The following KANSL1L variants were observed in gnomAD, a reference collection of about 807,000 sequenced individuals.
KANSL1L encodes KAT8 regulatory NSL complex subunit 1-like protein.
KANSL1L carries 25 observed loss-of-function variants against 108.6 expected under a neutral mutation model. The ratio of observed to expected loss-of-function variants is 0.23; its 90% CI spans 0.17 to 0.32. The LOEUF is 0.32. Among genes scored for constraint, KANSL1L ranks in the 10% least tolerant of loss-of-function variants. The probability of loss-of-function intolerance (pLI) is 1.00; values close to 1 mark genes in which losing one functional copy is unlikely to be tolerated. For synonymous variants in KANSL1L, 405 were observed against 395.1 expected, an observed-to-expected ratio of 1.03 and a Z score of -0.30; for missense variants, 1,137 against 1,125.7, an observed-to-expected ratio of 1.01 and a Z score of -0.14.
intron 6 of KANSL1L, among the ~76,000 whole-genome samples, chr2:210,054,603 A>G (rs200934394): frequency 6.6e-6 from 1 of 152,182 alleles, no homozygotes; most frequent in East Asian, 1.9e-4. Flanking sequence ...AACTTCCTCA[A>G]CATGATAAAG....
intron 6 of KANSL1L, among the ~76,000 whole-genome samples, chr2:210,058,585 G>A (rs1292453042): frequency 6.6e-6 from 1 of 152,078 alleles, no homozygotes; most frequent in Non-Finnish European, 1.5e-5. Flanking sequence ...TGTAATCCCA[G>A]CACTTTAGGA....
chr2:210,169,934 A>G (rs1188620693), intron 1 of KANSL1L, among the ~76,000 whole-genome samples: 6 of 152,228 alleles, frequency 3.9e-5, no homozygotes. Flanking sequence ...AATACAAGGC[A>G]TTTCTTCTTT....
intron 12 of KANSL1L, among the ~76,000 whole-genome samples, chr2:210,026,910 A>T (rs530301831): frequency 3.9e-5 from 6 of 152,216 alleles, no homozygotes; most frequent in African/African-American, 1.4e-4. Context: ...AGCTGGGACT[A>T]CAGGTGCCCA....
intron 3 of KANSL1L, among the ~76,000 whole-genome samples, chr2:210,113,005 T>C (rs1372455746): frequency 1.3e-5 from 2 of 152,210 alleles, no homozygotes; most frequent in African/African-American, 4.8e-5. Context: ...GCAATCTATA[T>C]ACAGCCTGCA....
chr2:210,144,384 A>G (rs2095251410), intron 2 of KANSL1L, among the ~76,000 whole-genome samples: 1 of 152,158 alleles, frequency 6.6e-6, no homozygotes, highest in South Asian at 2.1e-4. Context: ...TTCAATCATT[A>G]TTTCTTTAAA....
chr2:210,082,077 G>A (rs966463193), intron 5 of KANSL1L, among the ~76,000 whole-genome samples: 1 of 152,130 alleles, frequency 6.6e-6, no homozygotes. Flanking sequence ...GGGACTACAG[G>A]TGCATGCCAC....
intron 5 of KANSL1L, among the ~76,000 whole-genome samples, chr2:210,093,452 ATCT>A (rs2094709836): frequency 6.6e-6 from 1 of 152,038 alleles, no homozygotes. Flanking sequence ...GGCCTGATTT[ATCT>A]TCTTATCATT....
chr2:210,037,158 AAT>A (rs1401502239), intron 8 of KANSL1L, among the ~76,000 whole-genome samples: 1 of 152,182 alleles, frequency 6.6e-6, no homozygotes, highest in Admixed American at 6.5e-5. Flanking sequence ...TCTTTCAGTC[AAT>A]AACGTTTTAT....
chr2:210,116,623 ATCTTACCCGAGACTACTGAGGTCATAC>A (rs1325883454), intron 3 of KANSL1L, among the ~76,000 whole-genome samples: 3 of 152,068 alleles, frequency 2.0e-5, no homozygotes, highest in African/African-American at 7.2e-5. Flanking sequence ...ATGCTTTTGG[ATCTTACCCGAGACTACTGAGGTCATAC>A]CTCTATGAGT....
chr2:210,055,213 CAT>C (rs1248368565), intron 6 of KANSL1L, among the ~76,000 whole-genome samples: 1 of 152,200 alleles, frequency 6.6e-6, no homozygotes, highest in Admixed American at 6.5e-5. Context: ...TGAAGAAGTA[CAT>C]GTTTGCTTCC....
At chr2:210,055,277 G>A (rs1366410579) in intron 6 of KANSL1L, among the ~76,000 whole-genome samples, 1 of 152,224 alleles carries the variant, frequency 6.6e-6, no homozygotes, top group Non-Finnish European at 1.5e-5. Flanking sequence ...ATGCTGAACT[G>A]TAAGTCAAAC....
At chr2:210,037,962 A>G (rs1043447531) in intron 8 of KANSL1L, among the ~76,000 whole-genome samples, 7 of 152,130 alleles carry the variant, frequency 4.6e-5, no homozygotes, top group Non-Finnish European at 1.0e-4. Flanking sequence ...TGATATAACA[A>G]TAAATATTTC....
intron 8 of KANSL1L, among the ~76,000 whole-genome samples, chr2:210,038,891 TA>T (rs2125172198): frequency 6.6e-6 from 1 of 152,074 alleles, no homozygotes; most frequent in South Asian, 2.1e-4. Context: ...CAGACTTAAA[TA>T]ATTAAGTAAT....
chr2:210,023,982 A>C, intron 14 of KANSL1L, 51 bp downstream of exon 14: 1 of 1,245,618 alleles, frequency 8.0e-7, no homozygotes, highest in Non-Finnish European at 1.1e-6. Context: ...TCTACAAACA[A>C]GTAGTTAAAA....
chr2:210,042,074 A>C (rs2094170029), intron 7 of KANSL1L, among the ~76,000 whole-genome samples: 1 of 152,174 alleles, frequency 6.6e-6, no homozygotes, highest in Non-Finnish European at 1.5e-5. Flanking sequence ...TTATGAGGAG[A>C]GTATCACCAA....
intron 6 of KANSL1L, among the ~76,000 whole-genome samples, chr2:210,061,525 C>T (rs920501075): frequency 2.5e-4 from 38 of 152,106 alleles, no homozygotes; most frequent in Non-Finnish European, 5.9e-5. Context: ...CTATTAGCTA[C>T]ATTTATATTT....
intron 4 of KANSL1L, 55 bp downstream of exon 4, chr2:210,104,049 T>C (rs1418407658): frequency 2.9e-6 from 4 of 1,378,474 alleles, no homozygotes; most frequent in Non-Finnish European, 4.1e-6. Flanking sequence ...TTGAATAGTT[T>C]ACAAAATCAA....
intron 4 of KANSL1L, among the ~76,000 whole-genome samples, chr2:210,102,174 T>C (rs959966499): frequency 6.6e-6 from 1 of 152,236 alleles, no homozygotes; most frequent in Non-Finnish European, 1.5e-5. Context: ...ACCAGTACCA[T>C]GCTGTTTAGC....
At chr2:210,111,793 T>G (rs1310142570) in intron 3 of KANSL1L, among the ~76,000 whole-genome samples, 1 of 152,132 alleles carries the variant, frequency 6.6e-6, no homozygotes, top group African/African-American at 2.4e-5. Context: ...GCAGGTTTGT[T>G]ACATATGTAT....
Sources: allele counts gnomAD v4.1 joint callset (sites outside exome capture counted in the v4.1 genomes callset), GRCh38; gene constraint gnomAD v4.1.1; transcripts MANE v1.5; gene names NCBI Gene and HGNC (gene_info 2026-07-23, HGNC 2026-07-21).